Variants in LHFPL2 observed in about 807,000 individuals in gnomAD.
LHFPL2 encodes LHFPL tetraspan subfamily member 2 protein.
Under a neutral mutation model 17.5 loss-of-function variants are expected in LHFPL2, and 7 were observed. The observed-to-expected ratio is 0.40, with a 90% CI of 0.23 to 0.75. LHFPL2 has a LOEUF of 0.75. Among genes scored for constraint, LHFPL2 ranks in the 30% least tolerant of loss-of-function variants. LHFPL2 has a pLI of 0.37. For missense variants in LHFPL2, 241 were observed against 294.8 expected (o/e 0.82, Z 1.34); for synonymous variants, 134 against 116.2 (o/e 1.15, Z -0.99).
At chr5:78,520,369 C>T (rs567845401) in intron 3 of LHFPL2, among the ~76,000 whole-genome samples, 2 of 152,340 alleles carry the variant, frequency 1.3e-5, no homozygotes, top group East Asian at 3.9e-4. Flanking sequence ...GCTCCACTGC[C>T]TACTCTGGCT....
At chr5:78,501,127 T>A (rs1012549299) in intron 4 of LHFPL2, among the ~76,000 whole-genome samples, 1 of 152,232 alleles carries the variant, frequency 6.6e-6, no homozygotes. Context: ...CTACACTTTC[T>A]GGACTTTACA....
intron 4 of LHFPL2, among the ~76,000 whole-genome samples, chr5:78,506,279 G>A (rs943053478): frequency 8.5e-5 from 13 of 152,178 alleles, no homozygotes; most frequent in African/African-American, 3.1e-4. Flanking sequence ...TTAAAATTAG[G>A]TGTAGCAAAA....
intron 2 of LHFPL2, among the ~76,000 whole-genome samples, chr5:78,604,484 C>CA (rs1433177514): frequency 6.6e-6 from 1 of 151,550 alleles, no homozygotes; most frequent in South Asian, 2.1e-4. Context: ...GATCCCGTCT[C>CA]AAAAAACAAA....
At chr5:78,588,210 G>A (rs1743498031) in intron 2 of LHFPL2, among the ~76,000 whole-genome samples, 1 of 152,154 alleles carries the variant, frequency 6.6e-6, no homozygotes, top group Non-Finnish European at 1.5e-5. Flanking sequence ...TGGCTTTGTG[G>A]CCTAGGCTGG....
At chr5:78,586,282 G>A (rs1241759637) in intron 2 of LHFPL2, among the ~76,000 whole-genome samples, 4 of 152,180 alleles carry the variant, frequency 2.6e-5, no homozygotes, top group Admixed American at 6.5e-5. Flanking sequence ...TGAGGATTAC[G>A]TGAGATGATT....
At chr5:78,580,750 C>T (rs1561349363) in intron 2 of LHFPL2, among the ~76,000 whole-genome samples, 1 of 152,076 alleles carries the variant, frequency 6.6e-6, no homozygotes, top group African/African-American at 2.4e-5. Flanking sequence ...GTTACTGTAG[C>T]CTTGTAGTAT....
intron 2 of LHFPL2, among the ~76,000 whole-genome samples, chr5:78,578,737 T>C (rs1757199305): frequency 1.3e-5 from 2 of 152,198 alleles, no homozygotes; most frequent in South Asian, 4.1e-4. Flanking sequence ...TGCTGTCAGT[T>C]TTCTCTGGGA....
At chr5:78,543,212 G>T (rs930020582) in intron 3 of LHFPL2, among the ~76,000 whole-genome samples, 1 of 152,062 alleles carries the variant, frequency 6.6e-6, no homozygotes, top group Non-Finnish European at 1.5e-5. Flanking sequence ...CTCCTCACCC[G>T]GCATCTATAA....
rs1745219034 is a variant in LHFPL2, at chr5:78,630,900, T to C, written c.-245+1364A>G. Among the ~76,000 whole-genome samples, 3 of 152,156 alleles carry C rather than the reference T, an allele frequency of 2.0e-5. No individual in the cohort carries two copies. The South Asian group carries it at 6.2e-4, about 32-fold the overall frequency. ...AGTGCCACCCCAGGCATCAGAGAAT[T>C]CAGCCACCCGGCAGCTCCTGAAAGG... On this transcript the variant is annotated intron_variant, in intron 2 of 4. Coordinates refer to ENST00000380345, the MANE Select transcript of LHFPL2 (RefSeq NM_005779.3).
At chr5:78,600,063 C>T (rs551520150) in intron 2 of LHFPL2, among the ~76,000 whole-genome samples, 1 of 152,118 alleles carries the variant, frequency 6.6e-6, no homozygotes, top group Non-Finnish European at 1.5e-5. Context: ...CCCAAGAAAG[C>T]CGGGGAGATC....
At chr5:78,586,070 G>C (rs1163569647) in intron 2 of LHFPL2, among the ~76,000 whole-genome samples, 1 of 152,144 alleles carries the variant, frequency 6.6e-6, no homozygotes, top group African/African-American at 2.4e-5. Context: ...CAAATTCTTG[G>C]GTTTAAGTAG....
chr5:78,637,606 A>AG (rs982441097), intron 1 of LHFPL2, among the ~76,000 whole-genome samples: 1 of 152,250 alleles, frequency 6.6e-6, no homozygotes, highest in African/African-American at 2.4e-5. Context: ...CAGACCTCAC[A>AG]GGCCCTCCTG....
At chr5:78,646,298 G>C (rs567246941) in intron 1 of LHFPL2, among the ~76,000 whole-genome samples, 30 of 152,310 alleles carry the variant, frequency 2.0e-4, no homozygotes, top group African/African-American at 6.3e-4. Context: ...ACTCAACTCA[G>C]AGCCACTGAC....
At chr5:78,497,271 A>G (rs541216577) in intron 4 of LHFPL2, among the ~76,000 whole-genome samples, 3 of 135,034 alleles carry the variant, frequency 2.2e-5, no homozygotes, top group African/African-American at 5.3e-5. Context: ...TAACTCCTCT[A>G]TCTCCTTTAA....
intron 2 of LHFPL2, among the ~76,000 whole-genome samples, chr5:78,581,253 TTCC>T (rs1163671669): frequency 6.6e-6 from 1 of 152,206 alleles, no homozygotes; most frequent in Non-Finnish European, 1.5e-5. Flanking sequence ...ACAATTTGAC[TTCC>T]TCTTTTCCTA....
At chr5:78,571,811 C>T (rs555995026) in intron 2 of LHFPL2, among the ~76,000 whole-genome samples, 2 of 152,328 alleles carry the variant, frequency 1.3e-5, no homozygotes, top group South Asian at 4.1e-4. Flanking sequence ...GGTGGATATA[C>T]AGAGACAGAA....
chr5:78,628,122 G>A (rs945628373), intron 2 of LHFPL2, among the ~76,000 whole-genome samples: 7 of 152,248 alleles, frequency 4.6e-5, no homozygotes, highest in East Asian at 3.9e-4. Flanking sequence ...TCGAGCTCTC[G>A]TTTTACCAGG....
At chr5:78,527,959 C>T (rs1435475299) in intron 3 of LHFPL2, among the ~76,000 whole-genome samples, 1 of 152,154 alleles carries the variant, frequency 6.6e-6, no homozygotes, top group Non-Finnish European at 1.5e-5. Flanking sequence ...GTTTATTTCT[C>T]GTTTCTCAGT....
At chr5:78,521,527 A>AT (rs1415050631) in intron 3 of LHFPL2, among the ~76,000 whole-genome samples, 1 of 152,244 alleles carries the variant, frequency 6.6e-6, no homozygotes, top group Non-Finnish European at 1.5e-5. Context: ...ATAGATTTAA[A>AT]TTTTTTTAAA....
Sources: gnomAD v4.1 joint callset for allele counts (sites outside exome capture counted in the v4.1 genomes callset) on GRCh38, gnomAD v4.1.1 for gene constraint, MANE v1.5 for transcripts, NCBI Gene and HGNC (gene_info 2026-07-23, HGNC 2026-07-21) for gene names.